MTIF2: variants seen among roughly 807,000 people sequenced by gnomAD.
MTIF2 encodes mitochondrial translational initiation factor 2, also known as translation initiation factor IF-2, mitochondrial.
In MTIF2, 71 loss-of-function variants were observed where a neutral mutation model predicts 83.5. The ratio of observed to expected loss-of-function variants is 0.85; its 90% CI spans 0.70 to 1.04. The LOEUF (loss-of-function observed/expected upper bound fraction) is 1.04, where lower values mean the gene tolerates loss of function less well. Among genes scored for constraint, MTIF2 ranks in the 50% least tolerant of loss-of-function variants. MTIF2 has a pLI of 0.00. For missense variants in MTIF2, 957 were observed against 846.5 expected (o/e 1.13, Z -1.62); for synonymous variants, 319 against 287.1 (o/e 1.11, Z -1.12).
intron 10 of MTIF2, among the ~76,000 whole-genome samples, chr2:55,245,759 A>AAT (rs1553369709): frequency 6.6e-6 from 1 of 151,896 alleles, no homozygotes; most frequent in African/African-American, 2.4e-5. Flanking sequence ...TTTAAAAAAA[A>AAT]AATAATTTCT....
Position 55,249,445 on chromosome 2 carries a change from A to G in MTIF2, c.931T>C (p.Cys311Arg), listed in dbSNP as rs1676935469. 6.2e-7 allele frequency: 1 copy of G among 1,614,070 alleles called. No homozygotes were observed. Among genetic ancestry groups the G allele is most frequent in the South Asian group, 1.1e-5 (1 of 91,088 alleles). Reference sequence around the variant, plus strand: ...TGAACATCACCTCCATAATCTTCACATACCACATCGTAAGCCAGCAGCTCT... The same window carrying G: ...TGAACATCACCTCCATAATCTTCACGTACCACATCGTAAGCCAGCAGCTCT... ...KKELLAYDVV[C>R]EDYGGDVQAV... The change falls in exon 9 of 16, where the codon TGT (cysteine) becomes CGT (arginine). Residue 311 changes from cysteine to arginine, a missense_variant. Physicochemically the swap from Cys to Arg is radical, Grantham distance 180 (BLOSUM62 -3). Coordinates refer to ENST00000263629, the MANE Select transcript of MTIF2 (RefSeq NM_002453.3).
intron 9 of MTIF2, among the ~76,000 whole-genome samples, chr2:55,246,955 T>C (rs1676744700): frequency 6.6e-6 from 1 of 152,118 alleles, no homozygotes; most frequent in Admixed American, 6.5e-5. Flanking sequence ...TTACCCTTAT[T>C]AAATAAATGA....
chr2:55,244,191 T>C lies in MTIF2; in HGVS notation c.1149A>G (p.Lys383=). 6.2e-7 allele frequency: 1 copy of C among 1,614,056 alleles called. No homozygotes were observed. Among genetic ancestry groups the C allele is most frequent in the Non-Finnish European group, 8.5e-7 (1 of 1,179,970 alleles). The change falls in exon 11 of 16, where the codon AAA becomes AAG. Residue 383 remains lysine, a synonymous_variant. Transcript: ENST00000263629. ...TAIIQRGTLR[K]GSVLVAGKCW... is the part of the protein sequence containing the mutation. The stretch of plus-strand genomic sequence containing the variant: ...ATTTTCCAGCAACCAGAACAGAGCC[T>C]TTTCTTAAAGTTCCTCTTTGAATTA...
At position 55,258,550 on chromosome 2, in the gene MTIF2, G is replaced by A. The variant is rs922145114; in HGVS notation, c.332-3725C>T. ...AAGGCGGCTGGGCGCAGTAGCTCAC[G>A]TCTGTAATCCCAGAACTTTGGGAGG... On this transcript the variant is annotated intron_variant, in intron 5 of 15. Transcript: ENST00000263629. 4.2e-4 allele frequency among the ~76,000 whole-genome samples: 64 copies of A among 151,656 alleles called. 4 individuals carry two copies. Among genetic ancestry groups the A allele is most frequent in the Non-Finnish European group, 1.5e-4 (10 of 67,944 alleles).
chr2:55,252,691 A>G (rs765375290), intron 7 of MTIF2, 38 bp from the exon 8 acceptor site: 21 of 1,513,868 alleles, frequency 1.4e-5, no homozygotes, highest in Non-Finnish European at 1.7e-5. Flanking sequence ...AAGGATTCAA[A>G]CATGTACTTC....
In MTIF2 at chr2:55,252,492, C is replaced by T. The variant is rs369602292; in HGVS notation, c.826G>A (p.Ala276Thr). Residue 276 changes from alanine (A) to threonine (T), a missense_variant, in exon 8 of 16, where the codon GCC (alanine) becomes ACC (threonine). Ala to Thr is a moderately conservative substitution (Grantham distance 58, BLOSUM62 0). This residue lies in a region of MTIF2 where 733 missense variants were observed against 648.7 expected (regional missense o/e 1.13). Transcript: ENST00000263629. Reference sequence around the variant, plus strand: ...CACACAGTACCCTGTGCATCTTTGGCATGCTGAATAGATTCTACAGTTTGT... The same window carrying T: ...CACACAGTACCCTGTGCATCTTTGGTATGCTGAATAGATTCTACAGTTTGT... Reference protein sequence around the residue: ...MKQTVESIQHAKDAQVPIILA... With the variant: ...MKQTVESIQHTKDAQVPIILA... The T allele has an allele frequency of 2.0e-5, 33 of 1,613,872 alleles. No homozygotes were observed. The highest frequency in any genetic ancestry group is 3.3e-4 in the Middle Eastern group (2 of 6,084).
Position 55,254,761 on chromosome 2 carries a change from A to G in MTIF2, c.396T>C (p.His132=). 1 of 1,610,300 alleles carries G rather than the reference A, an allele frequency of 6.2e-7. No homozygotes were observed. The highest frequency in any genetic ancestry group is 8.5e-7 in the Non-Finnish European group (1 of 1,178,192). The change falls in exon 6 of 16, where the codon CAT becomes CAC. Residue 132 remains histidine, a synonymous_variant. Coordinates refer to ENST00000263629, the MANE Select transcript of MTIF2 (RefSeq NM_002453.3). ...CTTCTTTGATCCAGACTTCATCTAA[A>G]TGTGAGTCTGCTTCCAGTGAATCTA... ...IDIDSLEADS[H]LDEVWIKEVI... is the part of the protein sequence containing the mutation.
chr2:55,257,688 T>C (rs954825123), intron 5 of MTIF2, among the ~76,000 whole-genome samples: 5 of 152,172 alleles, frequency 3.3e-5, no homozygotes, highest in African/African-American at 1.2e-4. Context: ...GAATGCAGTG[T>C]TGGGAGTCTT....
chr2:55,261,180 G>A (rs1042178765), intron 5 of MTIF2, among the ~76,000 whole-genome samples: 1 of 151,976 alleles, frequency 6.6e-6, no homozygotes, highest in Non-Finnish European at 1.5e-5. Context: ...AGTAGAGATG[G>A]GGTTTCACCG....
At chr2:55,262,201 T>C (rs1047913185) in intron 5 of MTIF2, 115 bp downstream of exon 5, 6 of 744,134 alleles carry the variant, frequency 8.1e-6, no homozygotes, top group Non-Finnish European at 1.4e-5. Context: ...TGACTTAATA[T>C]ATTTTTTAAG....
At chr2:55,264,248 C>T (rs992711274) in intron 3 of MTIF2, among the ~76,000 whole-genome samples, 8 of 152,082 alleles carry the variant, frequency 5.3e-5, no homozygotes, top group Middle Eastern at 3.4e-3. Flanking sequence ...TTTTTGAAAC[C>T]GGGTCTCACT....
intron 10 of MTIF2, among the ~76,000 whole-genome samples, chr2:55,245,337 C>G (rs943481849): frequency 6.6e-6 from 1 of 152,048 alleles, no homozygotes; most frequent in Admixed American, 6.6e-5. Context: ...GCCTGGTCAA[C>G]ATGGTGAAAA....
At chr2:55,251,376 G>A (rs568417116) in intron 8 of MTIF2, among the ~76,000 whole-genome samples, 2 of 152,280 alleles carry the variant, frequency 1.3e-5, no homozygotes, top group South Asian at 4.1e-4. Flanking sequence ...GAAGCTAGCA[G>A]ATCCAAATTC....
At chr2:55,264,845 C>T (rs776990446) in intron 3 of MTIF2, among the ~76,000 whole-genome samples, 2 of 152,096 alleles carry the variant, frequency 1.3e-5, no homozygotes, top group African/African-American at 4.8e-5. Context: ...TAATATAGTT[C>T]TTTTCCTCCC....
intron 3 of MTIF2, among the ~76,000 whole-genome samples, chr2:55,266,109 G>A (rs893544061): frequency 5.3e-5 from 8 of 151,998 alleles, no homozygotes; most frequent in Non-Finnish European, 8.8e-5. Flanking sequence ...CATAGATACT[G>A]AGAGACACAT....
At position 55,252,466 on chromosome 2, in the gene MTIF2, C is replaced by T. The variant is rs1444890742; in HGVS notation, c.841+11G>A. ...TTATGTAGTAGATCCATTAAGTCAG[C>T]CACACAGTACCCTGTGCATCTTTGG... On this transcript the variant is annotated intron_variant, in intron 8 of 15. Transcript: ENST00000263629. The T allele has an allele frequency of 6.2e-7, 1 of 1,607,978 alleles. No homozygotes were observed. Among genetic ancestry groups the T allele is most frequent in the Non-Finnish European group, 8.5e-7 (1 of 1,176,194 alleles).
At chr2:55,246,072 A>G (rs936700778) in intron 10 of MTIF2, among the ~76,000 whole-genome samples, 1 of 152,106 alleles carries the variant, frequency 6.6e-6, no homozygotes, top group Non-Finnish European at 1.5e-5. Flanking sequence ...TCAGTGAGGG[A>G]AAAAAAATAA....
intron 2 of MTIF2, among the ~76,000 whole-genome samples, chr2:55,268,096 T>C (rs948809434): frequency 1.3e-5 from 2 of 151,686 alleles, no homozygotes; most frequent in Non-Finnish European, 2.9e-5. Flanking sequence ...CTACTAAAAG[T>C]ACAAAAATTA....
intron 12 of MTIF2, 61 bp downstream of exon 12, chr2:55,243,355 T>C (rs1676459815): frequency 1.4e-6 from 2 of 1,445,994 alleles, no homozygotes; most frequent in Non-Finnish European, 1.9e-6. Flanking sequence ...GCCCAAACTA[T>C]GAGAATAAAA....
Sources: gnomAD v4.1 joint callset for allele counts (sites outside exome capture counted in the v4.1 genomes callset) on GRCh38, gnomAD v4.1.1 for gene constraint, gnomAD v4.1.1 regional missense constraint, MANE v1.5 for transcripts, NCBI Gene and HGNC (gene_info 2026-07-23, HGNC 2026-07-21) for gene names.